The following PHKA2 variants were observed in gnomAD, a reference collection of about 807,000 sequenced individuals.
PHKA2 encodes the protein phosphorylase kinase regulatory subunit alpha 2.
In PHKA2, 31 loss-of-function variants were observed where a neutral mutation model predicts 102.0. That is an observed-to-expected ratio of 0.30 (90% CI 0.23 to 0.41). PHKA2 has a LOEUF of 0.41. PHKA2 is among the 10% of genes least tolerant of loss of function. PHKA2 has a pLI of 1.00. For synonymous variants in PHKA2, 455 were observed against 416.2 expected (o/e 1.09, Z -1.13); for missense variants, 858 against 1,023.1 (o/e 0.84, Z 2.20).
intron 11 of PHKA2, among the ~76,000 whole-genome samples, chrX:18,934,835 G>C (rs1397198050): frequency 1.8e-5 from 2 of 112,450 alleles, no homozygotes; most frequent in Non-Finnish European, 3.8e-5. Flanking sequence ...CACCCATTAG[G>C]AGGCAGTGTG....
chrX:18,947,492 G>T (rs896827262), intron 5 of PHKA2, among the ~76,000 whole-genome samples: 3 of 112,221 alleles, frequency 2.7e-5, no homozygotes, highest in Admixed American at 9.4e-5. Flanking sequence ...GCCTGGTTGG[G>T]GCGACGCTCA....
intron 7 of PHKA2, among the ~76,000 whole-genome samples, chrX:18,942,901 A>C: frequency 9.1e-6 from 1 of 109,784 alleles, no homozygotes; most frequent in Non-Finnish European, 1.9e-5. Context: ...GACTACCTAA[A>C]GGGGAAAAAT....
intron 19 of PHKA2, among the ~76,000 whole-genome samples, chrX:18,913,384 G>A (rs903923723): frequency 1.8e-5 from 2 of 111,046 alleles, no homozygotes; most frequent in Admixed American, 9.6e-5. Context: ...AACACAGATC[G>A]TACAGCTGTA....
intron 1 of PHKA2, among the ~76,000 whole-genome samples, chrX:18,960,915 G>A (rs977034265): frequency 1.8e-5 from 2 of 112,568 alleles, no homozygotes; most frequent in Admixed American, 1.9e-4. Context: ...CATGAATAGG[G>A]CAAACTGATT....
intron 31 of PHKA2, 65 bp from the exon 32 acceptor site, chrX:18,894,469 C>CCTTGGTTACTCGGTGATT: frequency 1.0e-6 from 1 of 986,317 alleles, no homozygotes; most frequent in Non-Finnish European, 1.4e-6. Flanking sequence ...AATCAATCAC[C>CCTTGGTTACTCGGTGATT]GAGTAACCAA....
chrX:18,950,632 G>A (rs1026762895), intron 4 of PHKA2, among the ~76,000 whole-genome samples: 3 of 112,864 alleles, frequency 2.7e-5, no homozygotes, highest in African/African-American at 9.6e-5. Flanking sequence ...TGTGTAAACT[G>A]CTGATTTATA....
chrX:18,895,197 G>A lies in PHKA2; in HGVS notation c.3283-6C>T, dbSNP rs764071729. On this transcript the variant is annotated splice_polypyrimidine_tract_variant and splice_region_variant and intron_variant, in intron 30 of 32. Coordinates refer to ENST00000379942, the MANE Select transcript of PHKA2 (RefSeq NM_000292.3). ...TCGATGGAGAGACCGTGGCACTGGA[G>A]GCAGAATAGAGCGCATTTCAGTCAG... The A allele has an allele frequency of 4.1e-6, 5 of 1,206,876 alleles. No homozygotes were observed. Among genetic ancestry groups the A allele is most frequent in the Non-Finnish European group, 5.6e-6 (5 of 892,210 alleles).
At chrX:18,899,270 A>G (rs769993191) in intron 28 of PHKA2, 44 bp from the exon 29 acceptor site, 1 of 1,062,026 alleles carries the variant, frequency 9.4e-7, no homozygotes, top group South Asian at 1.9e-5. Flanking sequence ...CAATGACACC[A>G]AGAGACACAG....
intron 1 of PHKA2, among the ~76,000 whole-genome samples, chrX:18,976,563 G>C (rs544743400): frequency 8.9e-6 from 1 of 111,891 alleles, no homozygotes; most frequent in African/African-American, 3.2e-5. Flanking sequence ...TTTTGAGAGA[G>C]AGAGAGAGGC....
chrX:18,897,357 C>T (rs1601694508), intron 29 of PHKA2, 24 bp from the exon 30 acceptor site: 1 of 1,191,080 alleles, frequency 8.4e-7, no homozygotes, highest in African/African-American at 1.8e-5. Flanking sequence ...AGCTTGGGGC[C>T]TCAGAAGCCA....
At position 18,901,827 on chromosome X, in the gene PHKA2, C is replaced by T. The variant is rs748779393; in HGVS notation, c.2909-224G>A. On this transcript the variant is annotated intron_variant, in intron 26 of 32. Transcript: ENST00000379942. Reference sequence around the variant, plus strand: ...CCATTATAACACAGTGGCCAGGAAGCCCCGACACAGTGAGATATGTTTTTT... The same window carrying T: ...CCATTATAACACAGTGGCCAGGAAGTCCCGACACAGTGAGATATGTTTTTT... Among the ~76,000 whole-genome samples the T allele has an allele frequency of 2.7e-5, 3 of 109,984 alleles. No individual in the cohort carries two copies. In the East Asian group the frequency reaches 8.6e-4, roughly 32 times the overall value.
intron 8 of PHKA2, among the ~76,000 whole-genome samples, chrX:18,940,649 T>G (rs2048475990): frequency 8.9e-6 from 1 of 111,940 alleles, no homozygotes; most frequent in South Asian, 3.7e-4. Context: ...CTGACGCCCT[T>G]AATCCATAGA....
chrX:18,910,984 A>T, intron 19 of PHKA2, 24 bp from the exon 20 acceptor site: 1 of 979,621 alleles, frequency 1.0e-6, no homozygotes, highest in South Asian at 1.9e-5. Context: ...GAATAAAGAG[A>T]GTTATTCTGA....
intron 13 of PHKA2, 72 bp downstream of exon 13, chrX:18,929,156 T>C: frequency 1.3e-6 from 1 of 742,683 alleles, no homozygotes; most frequent in South Asian, 2.3e-5. Flanking sequence ...AATAAGAAAC[T>C]AGGCAACAAT....
At chrX:18,895,242 A>G (rs375589847) in intron 30 of PHKA2, 51 bp from the exon 31 acceptor site, 2 of 1,073,304 alleles carry the variant, frequency 1.9e-6, no homozygotes, top group Non-Finnish European at 2.6e-6. Context: ...TGGGATAAGC[A>G]CATGCATGCA....
chrX:18,966,843 G>C (rs1215381122), intron 1 of PHKA2, among the ~76,000 whole-genome samples: 1 of 111,850 alleles, frequency 8.9e-6, no homozygotes, highest in Non-Finnish European at 1.9e-5. Flanking sequence ...AGGGCACTTT[G>C]GCTTCAGCGG....
chrX:18,894,471 A>C, intron 31 of PHKA2, 67 bp from the exon 32 acceptor site: 1 of 972,273 alleles, frequency 1.0e-6, no homozygotes. Flanking sequence ...TCAATCACCG[A>C]GTAACCAAGG....
At chrX:18,954,462 C>T in intron 1 of PHKA2, 50 bp from the exon 2 acceptor site, 1 of 1,146,363 alleles carries the variant, frequency 8.7e-7, no homozygotes, top group South Asian at 1.8e-5. Flanking sequence ...TCATGCAGTC[C>T]CTGGGTAACA....
chrX:18,895,969 G>C (rs770380083), intron 30 of PHKA2: 1 of 111,735 alleles, frequency 8.9e-6, no homozygotes, highest in Non-Finnish European at 1.9e-5. Context: ...CCAGCTGCTC[G>C]GGCAGGGCCT....
Sources: gnomAD v4.1 joint callset for allele counts (sites outside exome capture counted in the v4.1 genomes callset) on GRCh38, gnomAD v4.1.1 for gene constraint, MANE v1.5 for transcripts, NCBI Gene and HGNC (gene_info 2026-07-23, HGNC 2026-07-21) for gene names.